UGT8: variants seen among roughly 807,000 people sequenced by gnomAD.
The protein encoded by UGT8 is UDP glycosyltransferase 8.
UGT8 carries 12 observed loss-of-function variants against 40.5 expected under a neutral mutation model. That is an observed-to-expected ratio of 0.30 (90% confidence interval 0.19 to 0.48). The LOEUF (loss-of-function observed/expected upper bound fraction) is 0.48. Ranked by LOEUF, UGT8 falls within the 20% of genes least tolerant of loss-of-function variation. The pLI is 0.99. For synonymous variants in UGT8, 224 were observed against 240.4 expected (o/e 0.93, Z 0.63); for missense variants, 513 against 648.7 (o/e 0.79, Z 2.27).
chr4:114,608,412 C>T lies in UGT8; in HGVS notation c.-3+9438C>T, dbSNP rs1331702407. Among the ~76,000 whole-genome samples, 8 of 152,210 alleles carry T rather than the reference C, an allele frequency of 5.3e-5. No individual in the cohort carries two copies. The East Asian group carries it at 1.5e-3, about 29-fold the overall frequency. ...ATATTCAAACATGATTGAATGGTAT[C>T]TTTAGTTTGTCATGAGGCAATAAGG... On this transcript the variant is annotated intron_variant, in intron 1 of 5. Coordinates refer to ENST00000310836, the MANE Select transcript of UGT8 (RefSeq NM_001128174.3).
chr4:114,648,275 C>T (rs763392406), intron 2 of UGT8, among the ~76,000 whole-genome samples: 3 of 151,850 alleles, frequency 2.0e-5, no homozygotes, highest in South Asian at 4.2e-4. Flanking sequence ...CACTTCTTGC[C>T]TGTGGTGAGG....
chr4:114,602,995 G>A (rs550926282), intron 1 of UGT8, among the ~76,000 whole-genome samples: 1 of 152,302 alleles, frequency 6.6e-6, no homozygotes, highest in South Asian at 2.1e-4. Flanking sequence ...AGATATTGGG[G>A]TGGCTTTGGT....
intron 1 of UGT8, among the ~76,000 whole-genome samples, chr4:114,609,004 A>G (rs1730891094): frequency 6.6e-6 from 1 of 152,154 alleles, no homozygotes; most frequent in Non-Finnish European, 1.5e-5. Flanking sequence ...TCCTCCTTTG[A>G]TAATTGCTGA....
intron 2 of UGT8, among the ~76,000 whole-genome samples, chr4:114,662,915 T>C (rs979790570): frequency 2.3e-5 from 3 of 129,180 alleles, no homozygotes; most frequent in African/African-American, 8.7e-5. Flanking sequence ...AAGCTCCGCC[T>C]CCCAGGTTCT....
At chr4:114,643,964 C>T (rs1320520859) in intron 2 of UGT8, among the ~76,000 whole-genome samples, 1 of 152,008 alleles carries the variant, frequency 6.6e-6, no homozygotes, top group South Asian at 2.1e-4. Flanking sequence ...TTGCTGTGAC[C>T]TCGCGTGTGA....
At chr4:114,625,299 G>T (rs746671327) in intron 2 of UGT8, among the ~76,000 whole-genome samples, 29 of 152,044 alleles carry the variant, frequency 1.9e-4, no homozygotes, top group Non-Finnish European at 1.9e-4. Context: ...GATCACTTGA[G>T]TCCAGGAGTT....
At chr4:114,611,482 CTA>C in intron 1 of UGT8, among the ~76,000 whole-genome samples, 1 of 106,782 alleles carries the variant, frequency 9.4e-6, no homozygotes, top group South Asian at 2.6e-4. Context: ...TATATAATAT[CTA>C]TATTATATAT....
At chr4:114,610,278 A>G (rs1404635285) in intron 1 of UGT8, among the ~76,000 whole-genome samples, 3 of 152,144 alleles carry the variant, frequency 2.0e-5, no homozygotes, top group Non-Finnish European at 4.4e-5. Context: ...TTTCTCTACA[A>G]ATGAGGGGTT....
intron 2 of UGT8, among the ~76,000 whole-genome samples, chr4:114,643,177 A>G (rs1733334029): frequency 6.6e-6 from 1 of 152,200 alleles, no homozygotes; most frequent in Non-Finnish European, 1.5e-5. Flanking sequence ...AGTTATAAAA[A>G]CAATGTCTGG....
chr4:114,610,899 A>G (rs1357572358), intron 1 of UGT8, among the ~76,000 whole-genome samples: 2 of 152,194 alleles, frequency 1.3e-5, no homozygotes, highest in Non-Finnish European at 2.9e-5. Context: ...AAGAAAGAAT[A>G]TCTTAATTAG....
At chr4:114,647,576 G>A (rs1456849253) in intron 2 of UGT8, among the ~76,000 whole-genome samples, 2 of 152,084 alleles carry the variant, frequency 1.3e-5, no homozygotes, top group Admixed American at 1.3e-4. Context: ...ACATTGGCCA[G>A]ACTGGTCTCG....
chr4:114,621,053 TAGG>T (rs1731753537), intron 1 of UGT8, among the ~76,000 whole-genome samples: 1 of 152,182 alleles, frequency 6.6e-6, no homozygotes, highest in African/African-American at 2.4e-5. Context: ...TTATATTGAA[TAGG>T]TTGGTGGGTG....
At chr4:114,655,465 T>C (rs1415137624) in intron 2 of UGT8, among the ~76,000 whole-genome samples, 2 of 152,246 alleles carry the variant, frequency 1.3e-5, no homozygotes, top group Non-Finnish European at 2.9e-5. Context: ...TGCTTGTTGA[T>C]AGTAAACCAT....
At chr4:114,634,598 T>A (rs565067807) in intron 2 of UGT8, among the ~76,000 whole-genome samples, 1 of 152,210 alleles carries the variant, frequency 6.6e-6, no homozygotes, top group Non-Finnish European at 1.5e-5. Context: ...TGGTCCTGAG[T>A]CACTGGACAA....
Position 114,668,347 on chromosome 4 carries a change from A to G in UGT8, c.1262+43A>G, listed in dbSNP as rs371019052. 1.2e-5 allele frequency: 19 copies of G among 1,532,202 alleles called. No homozygotes were observed. In the African/African-American group the frequency reaches 1.9e-4, roughly 15 times the overall value. The allele number at this position is 1,532,202 out of a possible 1,614,324, so 94.9% of individuals were successfully genotyped here. A position where few individuals can be genotyped will look rare whatever the true frequency, so the allele number is the denominator to read the frequency against. ...ATTAAAGCTGATGAACTTACATACCACAGTATATTGTCAGTAGCCAATTAT... is the reference window on the plus strand; with the variant it reads ...ATTAAAGCTGATGAACTTACATACCGCAGTATATTGTCAGTAGCCAATTAT... On this transcript the variant is annotated intron_variant, in intron 5 of 5. Transcript: ENST00000310836.
rs796171877 is a variant in UGT8 at position 114,660,906 on chromosome 4, A to AG, written c.823-3089_823-3088insG. The stretch of plus-strand genomic sequence containing the variant: ...ACTCTGTCTCAAAAAAAAAAAAAAA[A>AG]AAAATTATAATTCAATTTAACTTTT... On this transcript the variant is annotated intron_variant, in intron 2 of 5. Transcript: ENST00000310836. 1.1e-3 allele frequency among the ~76,000 whole-genome samples: 169 copies of AG among 149,674 alleles called. 1 individual carries two copies. The highest frequency in any genetic ancestry group is 3.4e-3 in the Middle Eastern group (1 of 294).
intron 2 of UGT8, among the ~76,000 whole-genome samples, chr4:114,633,290 G>A (rs1003190552): frequency 2.6e-5 from 4 of 152,162 alleles, no homozygotes; most frequent in African/African-American, 9.7e-5. Flanking sequence ...TTAATATGAT[G>A]CATATTTCCA....
chr4:114,609,546 T>C (rs893779718), intron 1 of UGT8, among the ~76,000 whole-genome samples: 5 of 152,106 alleles, frequency 3.3e-5, no homozygotes, highest in Admixed American at 2.6e-4. Flanking sequence ...CTTTCACTTT[T>C]CTGGAGATAA....
chr4:114,645,203 A>G (rs1042877220), intron 2 of UGT8, among the ~76,000 whole-genome samples: 1 of 152,236 alleles, frequency 6.6e-6, no homozygotes, highest in Non-Finnish European at 1.5e-5. Context: ...GTGAATGAGG[A>G]TAAGCATCAA....
Sources: gnomAD v4.1 joint callset for allele counts (sites outside exome capture counted in the v4.1 genomes callset) on GRCh38, gnomAD v4.1.1 for gene constraint, MANE v1.5 for transcripts, NCBI Gene and HGNC (gene_info 2026-07-23, HGNC 2026-07-21) for gene names.